FBXL7: variants seen among roughly 807,000 people sequenced by gnomAD.
FBXL7 encodes F-box and leucine rich repeat protein 7.
FBXL7 carries 12 observed loss-of-function variants against 38.3 expected under a neutral mutation model. The observed-to-expected ratio is 0.31, with a 90% CI of 0.20 to 0.51. The LOEUF (loss-of-function observed/expected upper bound fraction) is 0.51. Ranked by LOEUF, FBXL7 falls within the 20% of genes least tolerant of loss-of-function variation. The pLI is 0.98. For synonymous variants in FBXL7, 297 were observed against 300.9 expected (o/e 0.99, Z 0.13); for missense variants, 567 against 676.4 (o/e 0.84, Z 1.79).
chr5:15,743,741 C>T (rs1383590184), intron 2 of FBXL7, among the ~76,000 whole-genome samples: 3 of 152,208 alleles, frequency 2.0e-5, no homozygotes, highest in East Asian at 1.9e-4. Context: ...AGTGGTTTTC[C>T]GTGAGGGACC....
intron 1 of FBXL7, among the ~76,000 whole-genome samples, chr5:15,524,725 T>A (rs968571220): frequency 2.0e-5 from 3 of 152,274 alleles, no homozygotes; most frequent in African/African-American, 7.2e-5. Flanking sequence ...TCTTAGATGA[T>A]GTGTTAGACT....
chr5:15,650,681 GT>G (rs1408160893), intron 2 of FBXL7, among the ~76,000 whole-genome samples: 1 of 152,188 alleles, frequency 6.6e-6, no homozygotes, highest in African/African-American at 2.4e-5. Flanking sequence ...TATTTTAAAT[GT>G]TTTCTTGTCA....
intron 1 of FBXL7, among the ~76,000 whole-genome samples, chr5:15,533,308 T>C (rs1737481155): frequency 6.6e-6 from 1 of 152,182 alleles, no homozygotes; most frequent in South Asian, 2.1e-4. Flanking sequence ...GATTGACTCG[T>C]GGGGACAAAT....
chr5:15,848,472 C>T (rs1738988934), intron 2 of FBXL7, among the ~76,000 whole-genome samples: 1 of 152,146 alleles, frequency 6.6e-6, no homozygotes, highest in Non-Finnish European at 1.5e-5. Flanking sequence ...ACCTCCACCT[C>T]CCAGGTTCAA....
intron 1 of FBXL7, among the ~76,000 whole-genome samples, chr5:15,539,530 C>T (rs999876089): frequency 3.3e-5 from 5 of 152,026 alleles, no homozygotes; most frequent in East Asian, 3.9e-4. Context: ...TTTTATCTTC[C>T]GTAGAAGCTT....
intron 2 of FBXL7, among the ~76,000 whole-genome samples, chr5:15,674,637 T>TA (rs1342572061): frequency 6.6e-6 from 1 of 152,148 alleles, no homozygotes; most frequent in African/African-American, 2.4e-5. Flanking sequence ...TGGTTTTAAC[T>TA]AAAAAAACAC....
intron 2 of FBXL7, among the ~76,000 whole-genome samples, chr5:15,753,177 T>C (rs559969298): frequency 8.5e-5 from 13 of 152,140 alleles, no homozygotes; most frequent in South Asian, 4.2e-4. Context: ...GGACACACTC[T>C]CTCTTTTTTT....
At chr5:15,530,715 C>A (rs879780831) in intron 1 of FBXL7, among the ~76,000 whole-genome samples, 2 of 152,198 alleles carry the variant, frequency 1.3e-5, no homozygotes, top group Admixed American at 6.5e-5. Flanking sequence ...TTCTGGGTGA[C>A]CTCTTCCAGT....
At chr5:15,777,748 T>TAAAAAAAAAAAAAAAAAAAAAAAAAAAA (rs1250146374) in intron 2 of FBXL7, among the ~76,000 whole-genome samples, 18 of 89,464 alleles carry the variant, frequency 2.0e-4, no homozygotes, top group African/African-American at 4.5e-4. Flanking sequence ...AAAAAAAAAG[T>TAAAAAAAAAAAAAAAAAAAAAAAAAAAA]AAATTCCAGT....
chr5:15,833,076 C>T (rs1230675593), intron 2 of FBXL7, among the ~76,000 whole-genome samples: 4 of 152,152 alleles, frequency 2.6e-5, no homozygotes, highest in Non-Finnish European at 5.9e-5. Flanking sequence ...TGTGAAGCCT[C>T]CCCAGCCATG....
intron 2 of FBXL7, among the ~76,000 whole-genome samples, chr5:15,883,622 G>A (rs1296977444): frequency 6.6e-6 from 1 of 152,136 alleles, no homozygotes; most frequent in East Asian, 1.9e-4. Context: ...TGTGATCATA[G>A]GTACATTCCC....
intron 1 of FBXL7, among the ~76,000 whole-genome samples, chr5:15,581,713 T>A (rs1038667111): frequency 1.3e-5 from 2 of 152,116 alleles, no homozygotes; most frequent in African/African-American, 4.8e-5. Context: ...TCTTTTGGTC[T>A]GTCTCCTTCT....
chr5:15,734,057 G>T (rs1735683377), intron 2 of FBXL7, among the ~76,000 whole-genome samples: 2 of 151,680 alleles, frequency 1.3e-5, no homozygotes, highest in South Asian at 4.1e-4. Flanking sequence ...GAGGGTTGCA[G>T]TGCACCAAGA....
At chr5:15,877,118 C>A (rs1034049098) in intron 2 of FBXL7, among the ~76,000 whole-genome samples, 3 of 152,206 alleles carry the variant, frequency 2.0e-5, no homozygotes, top group Admixed American at 6.5e-5. Context: ...AAACCCCCAG[C>A]ACACAGCATC....
At chr5:15,502,863 C>T (rs560433036) in intron 1 of FBXL7, among the ~76,000 whole-genome samples, 5 of 152,096 alleles carry the variant, frequency 3.3e-5, no homozygotes, top group East Asian at 1.9e-4. Flanking sequence ...GTAAAAGCAA[C>T]CCCTAGACAT....
At chr5:15,527,279 T>C (rs1199540855) in intron 1 of FBXL7, among the ~76,000 whole-genome samples, 2 of 152,228 alleles carry the variant, frequency 1.3e-5, no homozygotes, top group African/African-American at 4.8e-5. Context: ...TTAATTATTA[T>C]AGTCGAGTAT....
intron 2 of FBXL7, among the ~76,000 whole-genome samples, chr5:15,687,998 G>A (rs1280277194): frequency 2.6e-5 from 4 of 152,302 alleles, no homozygotes; most frequent in African/African-American, 9.6e-5. Flanking sequence ...ACCTGCATTT[G>A]CAGCTTCTAC....
chr5:15,847,829 T>G (rs1738958542), intron 2 of FBXL7, among the ~76,000 whole-genome samples: 1 of 152,172 alleles, frequency 6.6e-6, no homozygotes, highest in Non-Finnish European at 1.5e-5. Flanking sequence ...GGAGAGGTTA[T>G]GGGAGCCTCT....
At chr5:15,565,030 G>GT (rs1349756630) in intron 1 of FBXL7, among the ~76,000 whole-genome samples, 1 of 151,952 alleles carries the variant, frequency 6.6e-6, no homozygotes, top group Admixed American at 6.6e-5. Context: ...ATTTATAGGT[G>GT]TTTTCAATAT....
Sources: gnomAD v4.1 joint callset for allele counts (sites outside exome capture counted in the v4.1 genomes callset) on GRCh38, gnomAD v4.1.1 for gene constraint, MANE v1.5 for transcripts, NCBI Gene and HGNC (gene_info 2026-07-23, HGNC 2026-07-21) for gene names.